Variants in ALG8 observed in about 807,000 individuals in gnomAD.
The protein encoded by ALG8 is ALG8 alpha-1,3-glucosyltransferase.
In ALG8, 48 loss-of-function variants were observed where a neutral mutation model predicts 70.2. That is an observed-to-expected ratio of 0.68 (90% CI 0.54 to 0.87). ALG8 has a LOEUF of 0.87. Among genes scored for constraint, ALG8 ranks in the 40% least tolerant of loss-of-function variants. ALG8 has a pLI of 0.00. For synonymous variants in ALG8, 234 were observed against 229.0 expected, an observed-to-expected ratio of 1.02 and a Z score of -0.20; for missense variants, 572 against 608.7, an observed-to-expected ratio of 0.94 and a Z score of 0.64.
intron 1 of ALG8, among the ~76,000 whole-genome samples, chr11:78,129,608 G>A (rs1861220652): frequency 6.6e-6 from 1 of 152,102 alleles, no homozygotes; most frequent in African/African-American, 2.4e-5. Context: ...TTTGAAATAT[G>A]TACTATTTTC....
chr11:78,115,422 T>G (rs1206522120), intron 5 of ALG8, among the ~76,000 whole-genome samples: 1 of 151,718 alleles, frequency 6.6e-6, no homozygotes, highest in African/African-American at 2.4e-5. Context: ...TTGTTCTTGT[T>G]GCCCAGGCTG....
chr11:78,132,289 T>G (rs1861339004), intron 1 of ALG8, among the ~76,000 whole-genome samples: 1 of 152,194 alleles, frequency 6.6e-6, no homozygotes, highest in Admixed American at 6.5e-5. Context: ...CAAGGCAAAA[T>G]AAATCTTTAA....
At chr11:78,116,053 T>C (rs1860547255) in intron 5 of ALG8, among the ~76,000 whole-genome samples, 1 of 152,156 alleles carries the variant, frequency 6.6e-6, no homozygotes, top group Non-Finnish European at 1.5e-5. Context: ...ACTAAAGGTA[T>C]TCTGATGTAA....
chr11:78,113,699 T>A (rs570219), intron 7 of ALG8, among the ~76,000 whole-genome samples, 187 bp downstream of exon 7: 6 of 135,806 alleles, frequency 4.4e-5, no homozygotes, highest in Non-Finnish European at 6.2e-5. Context: ...GGCGACACAG[T>A]GAGACTCCAT....
At chr11:78,119,328 C>A in intron 4 of ALG8, 79 bp from the exon 5 acceptor site, 1 of 1,045,846 alleles carries the variant, frequency 9.6e-7, no homozygotes, top group South Asian at 1.3e-5. Context: ...TATAGAAATT[C>A]CAAATGCTTT....
intron 1 of ALG8, chr11:78,139,244 G>A (rs981751571): frequency 5.6e-6 from 3 of 537,618 alleles, no homozygotes; most frequent in Non-Finnish European, 1.0e-5. Flanking sequence ...TGCCTATTAA[G>A]GATGAGGACC....
intron 1 of ALG8, 126 bp from the exon 2 acceptor site, chr11:78,127,562 C>T (rs1861133252): frequency 1.3e-6 from 1 of 789,362 alleles, no homozygotes; most frequent in Non-Finnish European, 2.1e-6. Context: ...CCTATAGAGA[C>T]ACAAATAGAC....
At chr11:78,101,236 C>A (rs1399428226) in intron 12 of ALG8, 41 bp from the exon 13 acceptor site, 2 of 1,532,574 alleles carry the variant, frequency 1.3e-6, no homozygotes, top group East Asian at 2.3e-5. Context: ...TTAGATGAGT[C>A]ATCCTGGTTT....
chr11:78,114,032 G>T, intron 6 of ALG8, 43 bp from the exon 7 acceptor site: 1 of 1,519,334 alleles, frequency 6.6e-7, no homozygotes, highest in South Asian at 1.2e-5. Context: ...AGATGGAAAG[G>T]AACATTAACC....
At chr11:78,108,753 C>G (rs1860152822) in intron 9 of ALG8, among the ~76,000 whole-genome samples, 1 of 152,148 alleles carries the variant, frequency 6.6e-6, no homozygotes, top group Non-Finnish European at 1.5e-5. Flanking sequence ...CATACCTGTA[C>G]TGTCATGTAA....
intron 12 of ALG8, chr11:78,103,239 C>T (rs1327473984): frequency 1.3e-5 from 2 of 152,222 alleles, no homozygotes; most frequent in East Asian, 3.8e-4. Context: ...GTAAGTGGAT[C>T]ACCTGACGTC....
intron 8 of ALG8, among the ~76,000 whole-genome samples, chr11:78,111,322 T>C (rs1001215092): frequency 1.3e-5 from 2 of 152,228 alleles, no homozygotes; most frequent in Non-Finnish European, 2.9e-5. Context: ...ACTGATAACC[T>C]AGTACTTTTT....
intron 2 of ALG8, 55 bp downstream of exon 2, chr11:78,127,303 T>C: frequency 6.9e-7 from 1 of 1,455,580 alleles, no homozygotes; most frequent in East Asian, 2.4e-5. Flanking sequence ...ATCAGTAATA[T>C]TTACCTAGTT....
Position 78,112,448 on chromosome 11 carries a change from C to G in ALG8, c.898+202G>C, listed in dbSNP as rs560726630. Reference sequence around the variant, plus strand: ...TCAATAACCTCATTACCACAAGGAGCTTTTATAAGGAAAACAGTCTGTTTA... The same window carrying G: ...TCAATAACCTCATTACCACAAGGAGGTTTTATAAGGAAAACAGTCTGTTTA... On this transcript the variant is annotated intron_variant, in intron 8 of 12. Coordinates refer to ENST00000299626, the MANE Select transcript of ALG8 (RefSeq NM_024079.5). 11 of 611,148 alleles carry G rather than the reference C, an allele frequency of 1.8e-5. No individual in the cohort carries two copies. In the East Asian group the frequency reaches 3.5e-4, roughly 19 times the overall value. The allele number at this position is 611,148 out of a possible 1,614,324, so 37.9% of individuals were successfully genotyped here.
At chr11:78,116,298 A>T (rs970724253) in intron 5 of ALG8, among the ~76,000 whole-genome samples, 1 of 152,170 alleles carries the variant, frequency 6.6e-6, no homozygotes, top group Non-Finnish European at 1.5e-5. Context: ...GGTTGCAGTG[A>T]GGTGGAGGTT....
intron 1 of ALG8, among the ~76,000 whole-genome samples, chr11:78,130,683 T>C (rs1361748962): frequency 1.3e-5 from 2 of 152,168 alleles, no homozygotes; most frequent in Admixed American, 6.5e-5. Flanking sequence ...CTGTTTCTCC[T>C]TTTTATCCAT....
chr11:78,113,366 T>C lies in ALG8; in HGVS notation c.777+520A>G, dbSNP rs73501235. Among the ~76,000 whole-genome samples, 1,046 of 147,270 alleles carry C rather than the reference T, an allele frequency of 7.1e-3. 7 individuals carry two copies. Among genetic ancestry groups the C allele is most frequent in the African/African-American group, 0.025 (1,009 of 39,620 alleles). ...TATGTGTAATGTACAGTTAAACATA[T>C]ACATGTATATATATATACATATTTG... On this transcript the variant is annotated intron_variant, in intron 7 of 12. Coordinates refer to ENST00000299626, the MANE Select transcript of ALG8 (RefSeq NM_024079.5).
chr11:78,131,516 C>T (rs1012263304), intron 1 of ALG8, among the ~76,000 whole-genome samples: 6 of 94,818 alleles, frequency 6.3e-5, no homozygotes, highest in East Asian at 3.8e-4. Flanking sequence ...GGCCAGAGGA[C>T]GGCTTGAGCC....
At chr11:78,107,683 A>C (rs1860104286) in intron 9 of ALG8, 1 of 176,556 alleles carries the variant, frequency 5.7e-6, no homozygotes, top group Admixed American at 6.0e-5. Context: ...TACTAAAAAT[A>C]CAAAAAAAAC....
Sources: gnomAD v4.1 joint callset for allele counts (sites outside exome capture counted in the v4.1 genomes callset) on GRCh38, gnomAD v4.1.1 for gene constraint, MANE v1.5 for transcripts, NCBI Gene and HGNC (gene_info 2026-07-23, HGNC 2026-07-21) for gene names.